Variants in FHIT observed in about 807,000 individuals in gnomAD.
FHIT encodes bis(5'-adenosyl)-triphosphatase.
Under a neutral mutation model 17.9 loss-of-function variants are expected in FHIT, and 19 were observed. The ratio of observed to expected loss-of-function variants is 1.06; its 90% CI spans 0.74 to 1.56. The LOEUF (loss-of-function observed/expected upper bound fraction) is 1.56, where lower values mean the gene tolerates loss of function less well. Ranked by LOEUF, FHIT falls within the 40% of genes most tolerant of loss-of-function variation. The probability of loss-of-function intolerance (pLI) is 0.00; values close to 1 mark genes in which losing one functional copy is unlikely to be tolerated. For missense variants in FHIT, 248 were observed against 189.2 expected (o/e 1.31, Z -1.82); for synonymous variants, 81 against 69.7 (o/e 1.16, Z -0.81).
chr3:60,986,005 C>T (rs550102021), intron 3 of FHIT, among the ~76,000 whole-genome samples: 4 of 152,322 alleles, frequency 2.6e-5, no homozygotes, highest in East Asian at 1.9e-4. Flanking sequence ...CTACTACTAA[C>T]GCTTACCTCC....
intron 5 of FHIT, among the ~76,000 whole-genome samples, chr3:60,207,709 T>G (rs1703265980): frequency 6.6e-6 from 1 of 152,074 alleles, no homozygotes. Context: ...CGTATGTGAG[T>G]TCCACTCATT....
At chr3:60,884,892 C>T (rs1358038300) in intron 3 of FHIT, among the ~76,000 whole-genome samples, 1 of 128,896 alleles carries the variant, frequency 7.8e-6, no homozygotes, top group East Asian at 2.0e-4. Flanking sequence ...GCCTAGGTGA[C>T]AGACTGAGAC....
chr3:60,774,272 C>T (rs990968979), intron 4 of FHIT, among the ~76,000 whole-genome samples: 5 of 152,168 alleles, frequency 3.3e-5, no homozygotes, highest in Middle Eastern at 3.4e-3. Context: ...TGTTTTTTCC[C>T]TATATATACA....
At chr3:61,077,931 T>C (rs775886685) in intron 2 of FHIT, among the ~76,000 whole-genome samples, 2 of 152,028 alleles carry the variant, frequency 1.3e-5, no homozygotes, top group African/African-American at 4.8e-5. Flanking sequence ...GTTGAAGAAA[T>C]AGAGTCAAGG....
chr3:60,149,819 A>T (rs182198887), intron 5 of FHIT, among the ~76,000 whole-genome samples: 155 of 124,162 alleles, frequency 1.2e-3, no homozygotes, highest in African/African-American at 4.5e-3. Flanking sequence ...TTGCTGTGGG[A>T]TAGACACATG....
chr3:61,234,775 A>T (rs781054250), intron 1 of FHIT, among the ~76,000 whole-genome samples: 130 of 152,222 alleles, frequency 8.5e-4, no homozygotes, highest in Non-Finnish European at 1.3e-3. Flanking sequence ...CAATTCATCC[A>T]CACCAACTTT....
At chr3:59,754,182 C>T (rs1298501615) in intron 8 of FHIT, among the ~76,000 whole-genome samples, 1 of 149,878 alleles carries the variant, frequency 6.7e-6, no homozygotes. Context: ...GCCTCGCACT[C>T]CCGCTGAGCT....
At chr3:59,904,581 C>A (rs935854709) in intron 8 of FHIT, among the ~76,000 whole-genome samples, 1 of 152,164 alleles carries the variant, frequency 6.6e-6, no homozygotes, top group Admixed American at 6.5e-5. Context: ...GCCAGTGATG[C>A]CCGTACCAGG....
chr3:59,883,698 T>C (rs1036218382), intron 8 of FHIT, among the ~76,000 whole-genome samples: 1 of 152,248 alleles, frequency 6.6e-6, no homozygotes, highest in Non-Finnish European at 1.5e-5. Flanking sequence ...CGCACGTCTC[T>C]TTCCAAGTCT....
chr3:60,993,903 C>T (rs2030459470), intron 3 of FHIT, among the ~76,000 whole-genome samples: 1 of 152,132 alleles, frequency 6.6e-6, no homozygotes, highest in African/African-American at 2.4e-5. Context: ...TACACCTGGG[C>T]TGCCAGTGAC....
At chr3:60,944,782 T>G (rs574732572) in intron 3 of FHIT, among the ~76,000 whole-genome samples, 1 of 152,332 alleles carries the variant, frequency 6.6e-6, no homozygotes, top group Non-Finnish European at 1.5e-5. Context: ...AATTGAGTCA[T>G]CATGTGGCTC....
intron 2 of FHIT, among the ~76,000 whole-genome samples, chr3:61,123,628 A>C (rs1481018693): frequency 2.6e-5 from 4 of 152,196 alleles, no homozygotes; most frequent in Non-Finnish European, 5.9e-5. Flanking sequence ...AAAGGTAGGC[A>C]TGCAGTAGGG....
In FHIT at chr3:60,073,715, G is replaced by A. The variant is rs913614557; in HGVS notation, c.104-59563C>T. Reference sequence around the variant, plus strand: ...GTGTTTCTGGAAAGGTATTTTCAGTGCCCATTTCCCTTGACCAACCTGTGG... The same window carrying A: ...GTGTTTCTGGAAAGGTATTTTCAGTACCCATTTCCCTTGACCAACCTGTGG... On this transcript the variant is annotated intron_variant, in intron 5 of 9. Transcript: ENST00000492590. 5.9e-5 allele frequency among the ~76,000 whole-genome samples: 9 copies of A among 152,142 alleles called. No homozygotes were observed. In the East Asian group the frequency reaches 1.5e-3, roughly 26 times the overall value.
chr3:60,887,372 C>T (rs185866663), intron 3 of FHIT, among the ~76,000 whole-genome samples: 92 of 152,242 alleles, frequency 6.0e-4, no homozygotes, highest in Admixed American at 5.9e-4. Flanking sequence ...GAGCCAGACA[C>T]GGTGCCTTAC....
intron 5 of FHIT, among the ~76,000 whole-genome samples, chr3:60,247,409 G>A (rs892289210): frequency 7.3e-5 from 11 of 150,778 alleles, no homozygotes; most frequent in African/African-American, 2.2e-4. Flanking sequence ...AAGAAAGAAA[G>A]AAGAAGGAAG....
chr3:60,423,108 C>A (rs1702536276), intron 5 of FHIT, among the ~76,000 whole-genome samples: 1 of 152,122 alleles, frequency 6.6e-6, no homozygotes, highest in Non-Finnish European at 1.5e-5. Flanking sequence ...CAATTGCCAC[C>A]AGCAGCCTCT....
chr3:60,130,784 G>GTGTGTATATACACACATGTGTGTGTGT (rs148356992), intron 5 of FHIT, among the ~76,000 whole-genome samples: 3 of 111,728 alleles, frequency 2.7e-5, no homozygotes, highest in African/African-American at 8.9e-5. Context: ...GTGTGTGTGT[G>GTGTGTATATACACACATGTGTGTGTGT]GTGTGTATAT....
intron 3 of FHIT, among the ~76,000 whole-genome samples, chr3:60,943,040 C>T (rs1258407325): frequency 1.3e-5 from 2 of 152,102 alleles, no homozygotes; most frequent in African/African-American, 2.4e-5. Context: ...AATTTTTATT[C>T]ATCAGCATTA....
At chr3:59,854,676 T>C (rs922781506) in intron 8 of FHIT, among the ~76,000 whole-genome samples, 1 of 152,182 alleles carries the variant, frequency 6.6e-6, no homozygotes, top group Non-Finnish European at 1.5e-5. Context: ...GGGAATAGAA[T>C]TGTTTTTCAC....
Sources: allele counts gnomAD v4.1 joint callset (sites outside exome capture counted in the v4.1 genomes callset), GRCh38; gene constraint gnomAD v4.1.1; transcripts MANE v1.5; gene names NCBI Gene and HGNC (gene_info 2026-07-23, HGNC 2026-07-21).